Variants in FOXN4 observed in about 807,000 individuals in gnomAD.
FOXN4 encodes the protein forkhead box N4, also known as forkhead box protein N4.
In FOXN4, 12 loss-of-function variants were observed where a neutral mutation model predicts 45.0. The observed-to-expected ratio is 0.27, with a 90% CI of 0.17 to 0.43. FOXN4 has a LOEUF of 0.43. FOXN4 is among the 20% of genes least tolerant of loss of function. FOXN4 has a pLI of 1.00. For synonymous variants in FOXN4, 297 were observed against 295.0 expected, an observed-to-expected ratio of 1.01 and a Z score of -0.07; for missense variants, 560 against 694.9, an observed-to-expected ratio of 0.81 and a Z score of 2.18.
intron 2 of FOXN4, among the ~76,000 whole-genome samples, chr12:109,297,553 G>A (rs2047829148): frequency 6.6e-6 from 1 of 152,146 alleles, no homozygotes; most frequent in Non-Finnish European, 1.5e-5. Flanking sequence ...GGCCTGGCTG[G>A]CCTTGAACTC....
intron 2 of FOXN4, among the ~76,000 whole-genome samples, chr12:109,298,335 T>G (rs986627836): frequency 8.2e-6 from 1 of 122,188 alleles, no homozygotes; most frequent in Non-Finnish European, 1.7e-5. Context: ...TTTCAGGTTT[T>G]TTTTTTTTGT....
Position 109,287,747 on chromosome 12 carries a change from TGTGCTGG to T in FOXN4, c.468+90_468+96del, listed in dbSNP as rs1565999751. ...GAGCATGGAGGGAATGTTATCCCCA[TGTGCTGG>T]GTGAGTAAACTGAGGCTCAGAGGGG... On this transcript the variant is annotated intron_variant, in intron 5 of 9. Transcript: ENST00000299162. This position sits in a 1 kb window ranked among gnomAD's most constrained non-coding sequence, Gnocchi z 4.1. 1 of 1,211,480 alleles carries T rather than the reference TGTGCTGG, an allele frequency of 8.3e-7. No homozygotes were observed. Among genetic ancestry groups the T allele is most frequent in the African/African-American group, 1.5e-5 (1 of 65,056 alleles). The allele number at this position is 1,211,480 out of a possible 1,614,324, so 75.0% of individuals were successfully genotyped here. A position where few individuals can be genotyped will look rare whatever the true frequency, so the allele number is the denominator to read the frequency against.
intron 2 of FOXN4, among the ~76,000 whole-genome samples, chr12:109,307,222 G>C (rs1429380508): frequency 6.6e-6 from 1 of 152,236 alleles, no homozygotes; most frequent in Non-Finnish European, 1.5e-5. Context: ...CTGGTGAGTT[G>C]CAGTGACCCC....
At chr12:109,296,181 G>A (rs1247979372) in intron 2 of FOXN4, among the ~76,000 whole-genome samples, 1 of 152,206 alleles carries the variant, frequency 6.6e-6, no homozygotes, top group African/African-American at 2.4e-5. Context: ...CAGGCTTTCT[G>A]GGGAAGAGGC....
In FOXN4 at chr12:109,301,816, G is replaced by A. The variant is rs117734014; in HGVS notation, c.86+6420C>T. On this transcript the variant is annotated intron_variant, in intron 2 of 9. Transcript: ENST00000299162. The stretch of plus-strand genomic sequence containing the variant: ...TTTAGCACCTGGCATAGGACCTGAC[G>A]CCCTGTGGGCATCTATTACATACTC... Among the ~76,000 whole-genome samples, 79 of 152,328 alleles carry A rather than the reference G, an allele frequency of 5.2e-4. No homozygotes were observed. In the East Asian group the frequency reaches 0.01, roughly 20 times the overall value.
Position 109,291,585 on chromosome 12 carries a change from C to T in FOXN4, c.87-1299G>A, listed in dbSNP as rs2047768920. 6.6e-6 allele frequency among the ~76,000 whole-genome samples: 1 copy of T among 151,994 alleles called. No homozygotes were observed. The highest frequency in any genetic ancestry group is 6.5e-5 in the Admixed American group (1 of 15,270). ...CACGTTCTCCCTCTCCCTCCTCCTC[C>T]CTGTCTCTCTCTCTGCTCCTCCCCA... On this transcript the variant is annotated intron_variant, in intron 2 of 9. Coordinates refer to ENST00000299162, the MANE Select transcript of FOXN4 (RefSeq NM_213596.3). This position sits in a 1 kb window ranked among gnomAD's most constrained non-coding sequence, Gnocchi z 6.6.
rs115704395 is a variant in FOXN4, at chr12:109,309,186, G to A, written c.-71C>T. 5,832 of 152,392 alleles carry A rather than the reference G, an allele frequency of 0.038. 310 individuals carry two copies. The highest frequency in any genetic ancestry group is 0.15 in the East Asian group (785 of 5,142). The allele number at this position is 152,392 out of a possible 1,614,324, so 9.4% of individuals were successfully genotyped here. A position where few individuals can be genotyped will look rare whatever the true frequency, so the allele number is the denominator to read the frequency against. On this transcript the variant is annotated 5_prime_UTR_variant, in exon 1 of 10. Coordinates refer to ENST00000299162, the MANE Select transcript of FOXN4 (RefSeq NM_213596.3). This position sits in a 1 kb window ranked among gnomAD's most constrained non-coding sequence, Gnocchi z 5.0. ...GGGTGGGCAGGGGTTCCGGAGGGGG[G>A]CTCCCTCGCGCTCGCCCCTCGCGTT... is the stretch of plus-strand genomic sequence containing the variant.
At chr12:109,295,803 C>T (rs529200491) in intron 2 of FOXN4, among the ~76,000 whole-genome samples, 1 of 152,084 alleles carries the variant, frequency 6.6e-6, no homozygotes. Context: ...AAAAGAAGAC[C>T]CAACTCCTTC....
chr12:109,281,736 TC>T lies in FOXN4; in HGVS notation c.964del (p.Glu322AsnfsTer7). The T allele has an allele frequency of 6.2e-7, 1 of 1,607,072 alleles. No homozygotes were observed. Among genetic ancestry groups the T allele is most frequent in the East Asian group, 2.2e-5 (1 of 44,736 alleles). On this transcript the variant is annotated frameshift_variant, in exon 9 of 10. Coordinates refer to ENST00000299162, the MANE Select transcript of FOXN4 (RefSeq NM_213596.3). LOFTEE classifies it high-confidence loss of function. ...ESCRRPGKPG[E>X]PEAPVLTHAT... ...GTGAGTCAGCACGGGGGCCTCTGGT[TC>T]CCCCGGTTTGCCGGGGCGCCGGCAG...
At chr12:109,282,315 G>T (rs1166309454) in intron 8 of FOXN4, among the ~76,000 whole-genome samples, 1 of 152,154 alleles carries the variant, frequency 6.6e-6, no homozygotes, top group Non-Finnish European at 1.5e-5. Flanking sequence ...GGGCTTGGTG[G>T]TGTGTGCCTG....
intron 9 of FOXN4, 67 bp downstream of exon 9, chr12:109,281,340 C>T (rs574286560): frequency 1.4e-5 from 22 of 1,578,864 alleles, no homozygotes; most frequent in Non-Finnish European, 1.8e-5. Context: ...CTCTCCCTCA[C>T]TCCCTTTGGC....
intron 2 of FOXN4, among the ~76,000 whole-genome samples, chr12:109,293,931 C>T (rs191230967): frequency 2.0e-5 from 3 of 152,324 alleles, no homozygotes; most frequent in Admixed American, 2.0e-4. Flanking sequence ...AGAGAGTAGG[C>T]AGCCCCACTT....
chr12:109,284,573 G>A (rs11615167), intron 8 of FOXN4, among the ~76,000 whole-genome samples: 56,102 of 149,802 alleles, frequency 0.37, 11,486 homozygotes, highest in East Asian at 0.55. Context: ...GTGTGCGTGC[G>A]TGTGTGTGTG....
At chr12:109,286,622 C>CTGGG (rs1196773302) in intron 7 of FOXN4, 26 bp downstream of exon 7, 1 of 1,588,328 alleles carries the variant, frequency 6.3e-7, no homozygotes, top group Non-Finnish European at 8.6e-7. Context: ...GCAGCTCCAG[C>CTGGG]ACCCCTACCC....
intron 2 of FOXN4, among the ~76,000 whole-genome samples, chr12:109,295,167 C>A (rs2047805341): frequency 6.6e-6 from 1 of 152,192 alleles, no homozygotes; most frequent in South Asian, 2.1e-4. Flanking sequence ...TGTGATCCAC[C>A]CTGCCATCTT....
In FOXN4 at chr12:109,308,257, T is replaced by C; in HGVS notation, c.65A>G (p.His22Arg). 6.4e-7 allele frequency: 1 copy of C among 1,551,676 alleles called. No homozygotes were observed. Among genetic ancestry groups the C allele is most frequent in the African/African-American group, 1.4e-5 (1 of 73,076 alleles). Residue 22 changes from histidine to arginine, a missense_variant, in exon 2 of 10, where the codon CAC becomes CGC. Around this residue, in one of 5 missense-constraint regions of FOXN4, gnomAD observed 142 missense variants for 185.7 expected, o/e 0.76. Transcript: ENST00000299162. ...GIIRNSGQNH[H>R]PSPQEYRLLA... The stretch of plus-strand genomic sequence containing the variant: ...TCACCTGTATTCCTGTGGAGAGGGG[T>C]GGTGATTTTGCCCTGAGTTTCGAAT...
At chr12:109,280,942 C>T (rs1246843576) in intron 9 of FOXN4, among the ~76,000 whole-genome samples, 1 of 152,116 alleles carries the variant, frequency 6.6e-6, no homozygotes, top group East Asian at 1.9e-4. Flanking sequence ...GGGGTCAGAC[C>T]GAGGTTTAAC....
At chr12:109,284,095 CTA>C (rs1417940794) in intron 8 of FOXN4, among the ~76,000 whole-genome samples, 1 of 152,238 alleles carries the variant, frequency 6.6e-6, no homozygotes, top group Non-Finnish European at 1.5e-5. Context: ...ACGAAGCTCT[CTA>C]TTGTTCCACA....
chr12:109,298,593 C>T (rs2047840754), intron 2 of FOXN4, among the ~76,000 whole-genome samples: 1 of 152,114 alleles, frequency 6.6e-6, no homozygotes, highest in Non-Finnish European at 1.5e-5. Context: ...GAATTCCTGA[C>T]CTTAGGTGAT....
Sources: allele counts gnomAD v4.1 joint callset (sites outside exome capture counted in the v4.1 genomes callset), GRCh38; gene constraint gnomAD v4.1.1; regional missense constraint gnomAD v4.1.1; non-coding constraint Gnocchi (gnomAD v3.1); transcripts MANE v1.5; gene names NCBI Gene and HGNC (gene_info 2026-07-23, HGNC 2026-07-21).